SPHKAP: variants seen among roughly 807,000 people sequenced by gnomAD.
SPHKAP encodes the protein A-kinase anchor protein SPHKAP.
SPHKAP carries 67 observed loss-of-function variants against 137.5 expected under a neutral mutation model. The ratio of observed to expected loss-of-function variants is 0.49; its 90% CI spans 0.40 to 0.60. The LOEUF (loss-of-function observed/expected upper bound fraction) is 0.60. Ranked by LOEUF, SPHKAP falls within the 20% of genes least tolerant of loss-of-function variation. The probability of loss-of-function intolerance (pLI) is 0.00; values close to 1 mark genes in which losing one functional copy is unlikely to be tolerated. For synonymous variants in SPHKAP, 813 were observed against 785.3 expected (o/e 1.04, Z -0.59); for missense variants, 2,097 against 2,069.3 (o/e 1.01, Z -0.26).
intron 1 of SPHKAP, among the ~76,000 whole-genome samples, chr2:228,139,526 C>A (rs1699530242): frequency 6.6e-6 from 1 of 152,130 alleles, no homozygotes; most frequent in African/African-American, 2.4e-5. Flanking sequence ...ATTAAGAAGA[C>A]AATAACAAGT....
chr2:228,055,011 G>T (rs1329960586), intron 3 of SPHKAP, among the ~76,000 whole-genome samples: 1 of 151,700 alleles, frequency 6.6e-6, no homozygotes, highest in Non-Finnish European at 1.5e-5. Flanking sequence ...GCATGGTGTT[G>T]CATGCCTGTA....
intron 4 of SPHKAP, chr2:228,025,973 G>T (rs948560066): frequency 7.7e-6 from 4 of 521,110 alleles, no homozygotes; most frequent in African/African-American, 2.1e-5. Context: ...GGAGGGACCT[G>T]GTGGGAGATG....
chr2:228,080,706 TCAAAATAAAATAAAATAAAA>T (rs1406566415), intron 3 of SPHKAP, among the ~76,000 whole-genome samples: 1 of 112,996 alleles, frequency 8.8e-6, no homozygotes, highest in East Asian at 2.5e-4. Flanking sequence ...AAACTCTGTC[TCAAAATAAAATAAAATAAAA>T]TAAAATAAAA....
chr2:228,113,605 C>G (rs1249355129), intron 2 of SPHKAP, among the ~76,000 whole-genome samples: 1 of 31,344 alleles, frequency 3.2e-5, no homozygotes. Context: ...ATTTAGCCAT[C>G]TCTCTCTCTC....
chr2:228,139,786 A>C (rs909057937), intron 1 of SPHKAP, among the ~76,000 whole-genome samples: 1 of 152,120 alleles, frequency 6.6e-6, no homozygotes, highest in South Asian at 2.1e-4. Context: ...TTAATGTAAG[A>C]TAGAAAGTAC....
intron 2 of SPHKAP, among the ~76,000 whole-genome samples, chr2:228,125,480 A>G (rs1699046759): frequency 1.3e-5 from 2 of 152,198 alleles, no homozygotes; most frequent in Admixed American, 1.3e-4. Context: ...TTTGTATGTA[A>G]GTATCACACT....
At chr2:228,143,821 G>A (rs1315488346) in intron 1 of SPHKAP, among the ~76,000 whole-genome samples, 2 of 151,922 alleles carry the variant, frequency 1.3e-5, no homozygotes, top group African/African-American at 2.4e-5. Context: ...GGTCATTTCC[G>A]TTCTTAAGAT....
intron 2 of SPHKAP, 46 bp downstream of exon 2, chr2:228,131,934 A>G (rs4353646): frequency 0.35 from 548,403 of 1,581,376 alleles, 97,659 homozygotes; most frequent in East Asian, 0.5. Flanking sequence ...TTAAATGAAT[A>G]TTCAAGTTCA....
intron 2 of SPHKAP, among the ~76,000 whole-genome samples, chr2:228,111,756 C>T (rs1447950216): frequency 1.3e-5 from 2 of 151,990 alleles, no homozygotes; most frequent in Non-Finnish European, 2.9e-5. Flanking sequence ...GACCTTGAGT[C>T]TCAGAGAGAT....
intron 3 of SPHKAP, among the ~76,000 whole-genome samples, chr2:228,093,859 CAAAAAAAAAAAAAAAAA>C (rs11336381): frequency 7.8e-5 from 6 of 77,110 alleles, no homozygotes; most frequent in African/African-American, 1.0e-4. Context: ...GACTCCGTTT[CAAAAAAAAAAAAAAAAA>C]AAAAAAAAAA....
intron 7 of SPHKAP, among the ~76,000 whole-genome samples, chr2:228,014,935 C>A (rs1306556536): frequency 1.1e-4 from 16 of 151,822 alleles, no homozygotes; most frequent in African/African-American, 3.4e-4. Context: ...TTATTATTAT[C>A]ATACTTTAAG....
At chr2:228,128,644 A>C (rs1161283101) in intron 2 of SPHKAP, among the ~76,000 whole-genome samples, 3 of 152,202 alleles carry the variant, frequency 2.0e-5, no homozygotes, top group Non-Finnish European at 4.4e-5. Flanking sequence ...TTATAGCCTT[A>C]TTAAATGCAG....
At chr2:228,129,634 T>C (rs1699183951) in intron 2 of SPHKAP, among the ~76,000 whole-genome samples, 1 of 151,970 alleles carries the variant, frequency 6.6e-6, no homozygotes, top group African/African-American at 2.4e-5. Flanking sequence ...CCAGAAATAA[T>C]TGTGAAATGA....
At chr2:228,038,439 A>C (rs1203178057) in intron 3 of SPHKAP, among the ~76,000 whole-genome samples, 1 of 152,156 alleles carries the variant, frequency 6.6e-6, no homozygotes, top group African/African-American at 2.4e-5. Flanking sequence ...AAGATTCTGC[A>C]TTACGGTTGC....
At position 228,033,632 on chromosome 2, in the gene SPHKAP, A is replaced by G. The variant is rs184212620; in HGVS notation, c.247-6089T>C. Among the ~76,000 whole-genome samples, 23 of 152,344 alleles carry G rather than the reference A, an allele frequency of 1.5e-4. No homozygotes were observed. In the South Asian group the frequency reaches 3.7e-3, roughly 25 times the overall value. On this transcript the variant is annotated intron_variant, in intron 3 of 11. Coordinates refer to ENST00000392056, the MANE Select transcript of SPHKAP (RefSeq NM_001142644.2). Reference sequence around the variant, plus strand: ...AAAATTGACCATATAGTTGGAAGTAAAGCATTCCTCAGCAAATGTAAAAGA... The same window carrying G: ...AAAATTGACCATATAGTTGGAAGTAGAGCATTCCTCAGCAAATGTAAAAGA...
chr2:228,089,075 C>T lies in SPHKAP; in HGVS notation c.246+19757G>A, dbSNP rs191138614. On this transcript the variant is annotated intron_variant, in intron 3 of 11. Coordinates refer to ENST00000392056, the MANE Select transcript of SPHKAP (RefSeq NM_001142644.2). ...AAAGTTGAGAGGGCTCAGAAGAAGA[C>T]AGGAAAATGAGTTTGGAAAGTTTGC... is the stretch of plus-strand genomic sequence containing the variant. Among the ~76,000 whole-genome samples, 4 of 152,254 alleles carry T rather than the reference C, an allele frequency of 2.6e-5. No individual in the cohort carries two copies. The East Asian group carries it at 7.7e-4, about 29-fold the overall frequency.
intron 3 of SPHKAP, among the ~76,000 whole-genome samples, chr2:228,084,932 G>A (rs753764114): frequency 4.6e-5 from 7 of 152,286 alleles, no homozygotes; most frequent in African/African-American, 1.7e-4. Context: ...TTCCTTTGCT[G>A]TTACTGAGAT....
intron 3 of SPHKAP, among the ~76,000 whole-genome samples, chr2:228,040,058 A>C (rs1695779943): frequency 6.6e-6 from 1 of 152,178 alleles, no homozygotes; most frequent in Non-Finnish European, 1.5e-5. Flanking sequence ...AAGTTAGCTA[A>C]CATCTACTAA....
intron 2 of SPHKAP, among the ~76,000 whole-genome samples, chr2:228,109,844 G>C (rs934361397): frequency 6.8e-6 from 1 of 147,314 alleles, no homozygotes; most frequent in African/African-American, 2.5e-5. Context: ...GTGCGCCCCT[G>C]TAATCCCAGC....
Sources: gnomAD v4.1 joint callset for allele counts (sites outside exome capture counted in the v4.1 genomes callset) on GRCh38, gnomAD v4.1.1 for gene constraint, MANE v1.5 for transcripts, NCBI Gene and HGNC (gene_info 2026-07-23, HGNC 2026-07-21) for gene names.